The following IGF2BP1 variants were observed in gnomAD, a reference collection of about 807,000 sequenced individuals.
IGF2BP1 encodes insulin-like growth factor 2 mRNA-binding protein 1.
Under a neutral mutation model 74.9 loss-of-function variants are expected in IGF2BP1, and 11 were observed. The ratio of observed to expected loss-of-function variants is 0.15; its 90% confidence interval spans 0.09 to 0.24. The LOEUF (loss-of-function observed/expected upper bound fraction) is 0.24. IGF2BP1 is among the 10% of genes least tolerant of loss of function. IGF2BP1 has a pLI of 1.00. For synonymous variants in IGF2BP1, 287 were observed against 281.8 expected (o/e 1.02, Z -0.18); for missense variants, 440 against 757.4 (o/e 0.58, Z 4.92).
In IGF2BP1 at chr17:49,054,515, T is replaced by C. The variant is rs1191192196; in HGVS notation, c.*5071T>C. On this transcript the variant is annotated 3_prime_UTR_variant, in exon 15 of 15. Coordinates refer to ENST00000290341, the MANE Select transcript of IGF2BP1 (RefSeq NM_006546.4). ...CAGGCCTGCCAGGATCCCCCCCATA[T>C]CGATTGGGCTGGGAGGGCTGGCCAT... 1.3e-5 allele frequency: 2 copies of C among 152,418 alleles called. No individual in the cohort carries two copies. The highest frequency in any genetic ancestry group is 1.5e-5 in the Non-Finnish European group (1 of 68,066). The allele number at this position is 152,418 out of a possible 1,614,324, so 9.4% of individuals were successfully genotyped here.
At position 49,045,070 on chromosome 17, in the gene IGF2BP1, T is replaced by C. The variant is rs866300348; in HGVS notation, c.1395+5T>C. On this transcript the variant is annotated splice_donor_5th_base_variant and intron_variant, in intron 12 of 14. Transcript: ENST00000290341. ...CCGCCAGAGGCCCAATTCAAGGTTT[T>C]GGTCTTTATTGTTTTCCAAGCTGAA... 1.2e-6 allele frequency: 2 copies of C among 1,612,798 alleles called. No homozygotes were observed. The highest frequency in any genetic ancestry group is 2.7e-5 in the African/African-American group (2 of 74,900).
At chr17:49,041,034 C>T (rs1183013363) in intron 7 of IGF2BP1, among the ~76,000 whole-genome samples, 1 of 152,082 alleles carries the variant, frequency 6.6e-6, no homozygotes, top group Non-Finnish European at 1.5e-5. Flanking sequence ...GAAAAATCAG[C>T]TGGACGTGGC....
rs1408073749 is a variant in IGF2BP1, at chr17:49,052,132, TGAATA to T, written c.*2692_*2696del. ...GCCCCCAGAATTGTCTGGCCCAAATTGAATAGAAGCAGAAAAACATTTAGGGATAA... is the reference window on the plus strand; with the variant it reads ...GCCCCCAGAATTGTCTGGCCCAAATTGAAGCAGAAAAACATTTAGGGATAA... On this transcript the variant is annotated 3_prime_UTR_variant, in exon 15 of 15. Transcript: ENST00000290341. The T allele has an allele frequency of 1.3e-5, 2 of 152,134 alleles. No individual in the cohort carries two copies. The highest frequency in any genetic ancestry group is 4.1e-4 in the South Asian group (2 of 4,830). The allele number at this position is 152,134 out of a possible 1,614,324, so 9.4% of individuals were successfully genotyped here.
intron 2 of IGF2BP1, among the ~76,000 whole-genome samples, chr17:49,006,479 C>T (rs2143938870): frequency 6.6e-6 from 1 of 152,300 alleles, no homozygotes; most frequent in Non-Finnish European, 1.5e-5. Context: ...CACAATAGCT[C>T]TTATTGTTAT....
chr17:49,016,318 T>C (rs2041700816), intron 2 of IGF2BP1, among the ~76,000 whole-genome samples: 1 of 152,232 alleles, frequency 6.6e-6, no homozygotes, highest in Non-Finnish European at 1.5e-5. Context: ...TTCAGAGGCT[T>C]ACCCCTTTCC....
chr17:49,033,817 GAAAAA>G (rs915075710), intron 5 of IGF2BP1, among the ~76,000 whole-genome samples: 2 of 151,556 alleles, frequency 1.3e-5, no homozygotes, highest in African/African-American at 4.8e-5. Flanking sequence ...ACGGTTAAAA[GAAAAA>G]TAATTATTTT....
intron 5 of IGF2BP1, among the ~76,000 whole-genome samples, chr17:49,035,198 A>G (rs915525776): frequency 1.3e-5 from 2 of 152,242 alleles, no homozygotes; most frequent in African/African-American, 4.8e-5. Context: ...ATTAGGAAAG[A>G]TAAGGTGTTT....
rs1275814185 is a variant in IGF2BP1, at chr17:49,045,062, C to T, written c.1392C>T (p.Phe464=). The T allele has an allele frequency of 6.2e-7, 1 of 1,613,590 alleles. No homozygotes were observed. Among genetic ancestry groups the T allele is most frequent in the Non-Finnish European group, 8.5e-7 (1 of 1,179,520 alleles). The stretch of plus-strand genomic sequence containing the variant: ...TCACTGGACCGCCAGAGGCCCAATT[C>T]AAGGTTTTGGTCTTTATTGTTTTCC... ...VIITGPPEAQ[F]KAQGRIYGKL... Residue 464 remains phenylalanine, a synonymous_variant, in exon 12 of 15, where the codon TTC becomes TTT. Transcript: ENST00000290341.
rs1381088396 is a variant in IGF2BP1 at position 48,997,431 on chromosome 17, G to A, written c.-315G>A. The A allele has an allele frequency of 7.6e-6, 2 of 262,364 alleles. No homozygotes were observed. The highest frequency in any genetic ancestry group is 1.3e-4 in the East Asian group (2 of 15,336). The allele number at this position is 262,364 out of a possible 1,614,324, so 16.3% of individuals were successfully genotyped here. On this transcript the variant is annotated 5_prime_UTR_variant, in exon 1 of 15. Coordinates refer to ENST00000290341, the MANE Select transcript of IGF2BP1 (RefSeq NM_006546.4). This position sits in a 1 kb window ranked among gnomAD's most constrained non-coding sequence, Gnocchi z 4.8. ...GATTTTATTTAGAGGCGGCGCCAGG[G>A]CGGCCGCGGAGAAACGTGACACACC...
intron 4 of IGF2BP1, among the ~76,000 whole-genome samples, chr17:49,027,833 A>C (rs573193256): frequency 4.5e-4 from 54 of 119,468 alleles, no homozygotes; most frequent in Non-Finnish European, 7.3e-4. Context: ...GCCTGGGCGA[A>C]AGAGCGAGAC....
At chr17:49,009,108 G>A (rs1308919143) in intron 2 of IGF2BP1, among the ~76,000 whole-genome samples, 1 of 151,956 alleles carries the variant, frequency 6.6e-6, no homozygotes, top group African/African-American at 2.4e-5. Flanking sequence ...GCTCACTGCA[G>A]CCTCTGCCTC....
chr17:48,997,217 A>G (rs886991130), upstream of IGF2BP1, among the ~76,000 whole-genome samples: 4 of 151,584 alleles, frequency 2.6e-5, no homozygotes, highest in Non-Finnish European at 4.4e-5. This position sits in a 1 kb window ranked among gnomAD's most constrained non-coding sequence, Gnocchi z 4.8. Context: ...ACGCTGCCGC[A>G]CCGCCCCAGT....
intron 8 of IGF2BP1, among the ~76,000 whole-genome samples, chr17:49,041,812 T>C (rs2042055837): frequency 6.6e-6 from 1 of 152,236 alleles, no homozygotes; most frequent in African/African-American, 2.4e-5. Context: ...TTCAGGGCTT[T>C]AGGCTTGTCT....
At chr17:49,006,624 G>A (rs1567809597) in intron 2 of IGF2BP1, among the ~76,000 whole-genome samples, 1 of 152,190 alleles carries the variant, frequency 6.6e-6, no homozygotes, top group Non-Finnish European at 1.5e-5. Context: ...CTGATCAAGT[G>A]TACAGATGCC....
intron 5 of IGF2BP1, among the ~76,000 whole-genome samples, chr17:49,035,143 T>TG (rs1313615181): frequency 6.6e-6 from 1 of 152,232 alleles, no homozygotes; most frequent in Non-Finnish European, 1.5e-5. Context: ...TATGATCGGC[T>TG]GGTTTTTGTT....
intron 4 of IGF2BP1, among the ~76,000 whole-genome samples, chr17:49,027,854 A>AG (rs2041876501): frequency 8.0e-5 from 2 of 24,982 alleles, no homozygotes; most frequent in East Asian, 9.0e-4. Context: ...TCTGTCTCAG[A>AG]AAAAAAAAAA....
At chr17:49,048,363 C>T (rs549586348) in intron 14 of IGF2BP1, among the ~76,000 whole-genome samples, 2 of 151,948 alleles carry the variant, frequency 1.3e-5, no homozygotes, top group African/African-American at 2.4e-5. Flanking sequence ...AGTGATTCTC[C>T]TGCCTCAGCC....
At chr17:49,030,772 G>A (rs891817359) in intron 4 of IGF2BP1, among the ~76,000 whole-genome samples, 4 of 151,936 alleles carry the variant, frequency 2.6e-5, no homozygotes, top group Non-Finnish European at 5.9e-5. Flanking sequence ...GACTATAAGC[G>A]CATGCCAGCA....
rs1188337798 is a variant in IGF2BP1, at chr17:49,049,939, T to C, written c.*495T>C. On this transcript the variant is annotated 3_prime_UTR_variant, in exon 15 of 15. Coordinates refer to ENST00000290341, the MANE Select transcript of IGF2BP1 (RefSeq NM_006546.4). ...ATATTTACACTAATTTTTTTATCTT[T>C]ATTGCTACCAGAAAAAAATGCGAAC... 1 of 153,708 alleles carries C rather than the reference T, an allele frequency of 6.5e-6. No individual in the cohort carries two copies. The highest frequency in any genetic ancestry group is 1.4e-5 in the Non-Finnish European group (1 of 69,058). The allele number at this position is 153,708 out of a possible 1,614,324, so 9.5% of individuals were successfully genotyped here. A position where few individuals can be genotyped will look rare whatever the true frequency, so the allele number is the denominator to read the frequency against.
Sources: gnomAD v4.1 joint callset for allele counts (sites outside exome capture counted in the v4.1 genomes callset) on GRCh38, gnomAD v4.1.1 for gene constraint, Gnocchi (gnomAD v3.1) non-coding constraint, MANE v1.5 for transcripts, NCBI Gene and HGNC (gene_info 2026-07-23, HGNC 2026-07-21) for gene names.